Variants in ZNF547 observed in about 807,000 individuals in gnomAD.
ZNF547 encodes zinc finger protein 547.
In ZNF547, 4 loss-of-function variants were observed where a neutral mutation model predicts 7.7. That is an observed-to-expected ratio of 0.52 (90% confidence interval 0.26 to 1.20). ZNF547 has a LOEUF of 1.20. Among genes scored for constraint, ZNF547 ranks in the 50% most tolerant of loss-of-function variants. ZNF547 has a pLI of 0.14. For missense variants in ZNF547, 449 were observed against 485.8 expected, an observed-to-expected ratio of 0.92 and a Z score of 0.71; for synonymous variants, 166 against 166.2, an observed-to-expected ratio of 1.00 and a Z score of 0.01.
In ZNF547 at chr19:57,377,827, T is replaced by G. The variant is rs2088547500; in HGVS notation, c.851T>G (p.Phe284Cys). Residue 284 changes from phenylalanine (F) to cysteine (C), a missense_variant, in exon 4 of 4, where the codon TTT becomes TGT. Phe to Cys is a radical substitution (Grantham distance 205). Transcript: ENST00000282282. ...TTCTTTAAGTGCAACTCAAACCTCT[T>G]TAGGCATTACAGAATTCATACAGGA... is the stretch of plus-strand genomic sequence containing the variant. ...GKFFKCNSNL[F>C]RHYRIHTGKR... 1 of 1,613,928 alleles carries G rather than the reference T, an allele frequency of 6.2e-7. No individual in the cohort carries two copies.
intron 3 of ZNF547, among the ~76,000 whole-genome samples, chr19:57,372,985 C>T (rs2088515639): frequency 6.6e-6 from 1 of 152,230 alleles, no homozygotes; most frequent in African/African-American, 2.4e-5. Flanking sequence ...AGGGCTCTCC[C>T]ATTATGGGTA....
At chr19:57,374,940 C>A (rs1386398155) in intron 3 of ZNF547, among the ~76,000 whole-genome samples, 1 of 152,178 alleles carries the variant, frequency 6.6e-6, no homozygotes, top group African/African-American at 2.4e-5. Flanking sequence ...CAAACTGTTC[C>A]AGCCTCTGCC....
intron 3 of ZNF547, among the ~76,000 whole-genome samples, chr19:57,375,695 C>T (rs1369013752): frequency 3.3e-5 from 5 of 149,920 alleles, no homozygotes; most frequent in Non-Finnish European, 7.4e-5. Flanking sequence ...AAAGACATAC[C>T]CGAGACTGGA....
chr19:57,365,024 T>C (rs1281574873), intron 1 of ZNF547: 8 of 1,612,484 alleles, frequency 5.0e-6, no homozygotes, highest in African/African-American at 1.3e-5. Flanking sequence ...TTGAAAACTG[T>C]GGACAAGTTC....
At chr19:57,365,447 G>A in intron 1 of ZNF547, 1 of 533,904 alleles carries the variant, frequency 1.9e-6, no homozygotes, top group Non-Finnish European at 3.3e-6. Context: ...AGATCAATTA[G>A]TATTTCCTTG....
chr19:57,372,037 T>C (rs112603050), intron 3 of ZNF547, 129 bp downstream of exon 3: 1 of 1,395,752 alleles, frequency 7.2e-7, no homozygotes, highest in South Asian at 1.7e-5. Context: ...TGACATATGT[T>C]CCATGAGAGT....
rs537747540 is a variant in ZNF547, at chr19:57,375,746, G to A, written c.152-1382G>A. Among the ~76,000 whole-genome samples the A allele has an allele frequency of 1.1e-4, 16 of 150,136 alleles. No individual in the cohort carries two copies. In the East Asian group the frequency reaches 1.4e-3, roughly 13 times the overall value. On this transcript the variant is annotated intron_variant, in intron 3 of 3. Coordinates refer to ENST00000282282, the MANE Select transcript of ZNF547 (RefSeq NM_173631.4). The stretch of plus-strand genomic sequence containing the variant: ...AGAGGTTGAATTGACTCACAGTTCC[G>A]CATGGTTGGGAGGTCTCAGGAAACT...
chr19:57,377,035 C>T, intron 3 of ZNF547, 93 bp from the exon 4 acceptor site: 1 of 1,294,296 alleles, frequency 7.7e-7, no homozygotes, highest in Non-Finnish European at 1.1e-6. Flanking sequence ...ATTCCATGAT[C>T]ATTTTCATGG....
At chr19:57,371,275 TGTGA>T (rs367951968) in intron 2 of ZNF547, among the ~76,000 whole-genome samples, 1 of 152,138 alleles carries the variant, frequency 6.6e-6, no homozygotes. Flanking sequence ...AATTTATGGA[TGTGA>T]GTGAGTGATG....
intron 3 of ZNF547, among the ~76,000 whole-genome samples, chr19:57,376,161 T>C (rs1047740062): frequency 6.6e-6 from 1 of 152,072 alleles, no homozygotes; most frequent in African/African-American, 2.4e-5. Flanking sequence ...AGACTCAGTC[T>C]CAAAATAAAT....
intron 1 of ZNF547, chr19:57,365,081 T>G (rs752449653): frequency 6.2e-7 from 1 of 1,609,880 alleles, no homozygotes; most frequent in South Asian, 1.1e-5. Context: ...CATATGAGGT[T>G]TATTATGCTT....
chr19:57,371,693 G>T, intron 2 of ZNF547, 89 bp from the exon 3 acceptor site: 3 of 1,519,196 alleles, frequency 2.0e-6, no homozygotes, highest in Non-Finnish European at 1.8e-6. Flanking sequence ...TGTTTAATGG[G>T]TGGTAAATAT....
intron 2 of ZNF547, among the ~76,000 whole-genome samples, chr19:57,370,142 C>T (rs2088496088): frequency 6.6e-6 from 1 of 152,092 alleles, no homozygotes; most frequent in Non-Finnish European, 1.5e-5. Context: ...CCATCCTCCT[C>T]AGCCTCCCAA....
Position 57,372,580 on chromosome 19 carries a change from G to T in ZNF547, c.151+672G>T, listed in dbSNP as rs540366495. Among the ~76,000 whole-genome samples, 7 of 152,312 alleles carry T rather than the reference G, an allele frequency of 4.6e-5. No homozygotes were observed. In the South Asian group the frequency reaches 1.2e-3, roughly 27 times the overall value. ...GAAAAGGTGTAATATCACAGCTGGG[G>T]TCATATTACTAGGAATCTGTCTGGT... On this transcript the variant is annotated intron_variant, in intron 3 of 3. Coordinates refer to ENST00000282282, the MANE Select transcript of ZNF547 (RefSeq NM_173631.4).
chr19:57,364,634 G>C, intron 1 of ZNF547: 1 of 603,074 alleles, frequency 1.7e-6, no homozygotes, highest in Non-Finnish European at 2.9e-6. Flanking sequence ...CCAGCTATTC[G>C]GGAGGCTGAG....
intron 3 of ZNF547, among the ~76,000 whole-genome samples, chr19:57,372,596 T>G (rs1024554162): frequency 6.6e-6 from 1 of 152,206 alleles, no homozygotes; most frequent in Non-Finnish European, 1.5e-5. Flanking sequence ...TTACTAGGAA[T>G]CTGTCTGGTG....
intron 3 of ZNF547, among the ~76,000 whole-genome samples, chr19:57,375,466 A>C (rs1478073687): frequency 6.6e-6 from 1 of 151,924 alleles, no homozygotes; most frequent in Non-Finnish European, 1.5e-5. Context: ...AGACTGGCCA[A>C]CATGGCGAAA....
rs993935398 is a variant in ZNF547, at chr19:57,371,917, C to G, written c.151+9C>G. ...CCTTTTGTCCTCACTAGGTAAGGCC[C>G]TCACACTTGCCCAGTGTCCTGGGTT... On this transcript the variant is annotated intron_variant, in intron 3 of 3. Coordinates refer to ENST00000282282, the MANE Select transcript of ZNF547 (RefSeq NM_173631.4). 1 of 1,593,564 alleles carries G rather than the reference C, an allele frequency of 6.3e-7. No individual in the cohort carries two copies. Among genetic ancestry groups the G allele is most frequent in the Non-Finnish European group, 8.6e-7 (1 of 1,169,220 alleles).
At chr19:57,375,411 G>C (rs926372816) in intron 3 of ZNF547, among the ~76,000 whole-genome samples, 2 of 152,016 alleles carry the variant, frequency 1.3e-5, no homozygotes, top group Non-Finnish European at 2.9e-5. Context: ...AGCACCTTGG[G>C]GGGGCTGAGG....
Sources: gnomAD v4.1 joint callset for allele counts (sites outside exome capture counted in the v4.1 genomes callset) on GRCh38, gnomAD v4.1.1 for gene constraint, MANE v1.5 for transcripts, NCBI Gene and HGNC (gene_info 2026-07-23, HGNC 2026-07-21) for gene names.